PALD1: variants seen among roughly 807,000 people sequenced by gnomAD.
PALD1 encodes the protein paladin.
PALD1 carries 57 observed loss-of-function variants against 96.0 expected under a neutral mutation model. That is an observed-to-expected ratio of 0.59 (90% CI 0.48 to 0.74). The LOEUF (loss-of-function observed/expected upper bound fraction) is 0.74. Among genes scored for constraint, PALD1 ranks in the 30% least tolerant of loss-of-function variants. The pLI is 0.00. For missense variants in PALD1, 1,063 were observed against 1,143.7 expected, an observed-to-expected ratio of 0.93 and a Z score of 1.02; for synonymous variants, 464 against 473.6, an observed-to-expected ratio of 0.98 and a Z score of 0.26.
In PALD1 at chr10:70,564,469, C is replaced by G. The variant is rs760632224; in HGVS notation, c.2368C>G (p.Leu790Val). The G allele has an allele frequency of 6.2e-7, 1 of 1,614,150 alleles. No homozygotes were observed. The highest frequency in any genetic ancestry group is 8.5e-7 in the Non-Finnish European group (1 of 1,180,014). Residue 790 changes from leucine to valine, a missense_variant, in exon 19 of 20, where the codon CTG (leucine) becomes GTG (valine). Transcript: ENST00000263563. ...CLILFNAYLH[L>V]EKADSWQRPF... is the part of the protein sequence containing the mutation. Reference sequence around the variant, plus strand: ...GATTCTCTTCAACGCGTACCTCCACCTGGAGAAGGCCGACTCCTGGCAGAG... The same window carrying G: ...GATTCTCTTCAACGCGTACCTCCACGTGGAGAAGGCCGACTCCTGGCAGAG...
rs1050175724 is a variant in PALD1, at chr10:70,539,065, A to G, written c.1570-27A>G. On this transcript the variant is annotated intron_variant, in intron 13 of 19. Coordinates refer to ENST00000263563, the MANE Select transcript of PALD1 (RefSeq NM_014431.3). The surrounding 1 kb of genome is among the most constrained non-coding windows in gnomAD (Gnocchi z 4.5). The stretch of plus-strand genomic sequence containing the variant: ...TGGGTTTGGGGAGGGAGGGCTGAGC[A>G]CTCACTGCCGGCCCTCCTGTGCCCA... 17 of 1,613,518 alleles carry G rather than the reference A, an allele frequency of 1.1e-5. No individual in the cohort carries two copies. Among genetic ancestry groups the G allele is most frequent in the Non-Finnish European group, 1.3e-5 (15 of 1,179,730 alleles).
At chr10:70,502,191 G>C (rs1846313031) in intron 1 of PALD1, among the ~76,000 whole-genome samples, 3 of 152,106 alleles carry the variant, frequency 2.0e-5, no homozygotes, top group Admixed American at 6.6e-5. Flanking sequence ...CTCTCAACAG[G>C]ACTTCTTGCC....
At chr10:70,480,108 T>C (rs1845902912) in intron 1 of PALD1, among the ~76,000 whole-genome samples, 1 of 152,244 alleles carries the variant, frequency 6.6e-6, no homozygotes, top group African/African-American at 2.4e-5. Context: ...TCCAGCTCCA[T>C]GCCCGCCCTT....
At chr10:70,489,352 C>T (rs985888011) in intron 1 of PALD1, among the ~76,000 whole-genome samples, 2 of 151,974 alleles carry the variant, frequency 1.3e-5, no homozygotes, top group Non-Finnish European at 2.9e-5. Context: ...GTAGATGAAC[C>T]CCATCCCCTG....
chr10:70,542,215 G>A (rs1269852975), intron 17 of PALD1, among the ~76,000 whole-genome samples: 1 of 152,204 alleles, frequency 6.6e-6, no homozygotes, highest in Non-Finnish European at 1.5e-5. Flanking sequence ...TGCATATGCG[G>A]TGCCTTCTCC....
chr10:70,498,858 G>A (rs1267232804), intron 1 of PALD1, among the ~76,000 whole-genome samples: 1 of 151,698 alleles, frequency 6.6e-6, no homozygotes, highest in East Asian at 1.9e-4. Context: ...AACCTAGGAG[G>A]CAGAAGTTAC....
chr10:70,508,791 G>GTGTGTGTGTGTT (rs1357938059), intron 1 of PALD1, among the ~76,000 whole-genome samples: 5 of 89,262 alleles, frequency 5.6e-5, no homozygotes, highest in Non-Finnish European at 1.5e-4. Flanking sequence ...TGGCGTGTGT[G>GTGTGTGTGTGTT]TGTGTGTGTG....
chr10:70,524,117 T>C (rs193276213), intron 1 of PALD1, among the ~76,000 whole-genome samples: 4 of 152,108 alleles, frequency 2.6e-5, no homozygotes, highest in Non-Finnish European at 4.4e-5. Context: ...TCCCTACTGA[T>C]GTGGAGCAGC....
chr10:70,488,168 C>T (rs1846043015), intron 1 of PALD1, among the ~76,000 whole-genome samples: 1 of 151,878 alleles, frequency 6.6e-6, no homozygotes, highest in Non-Finnish European at 1.5e-5. Flanking sequence ...GTTGCCCAGG[C>T]TGCAGTGAAG....
At chr10:70,480,605 C>A (rs1589165955) in intron 1 of PALD1, among the ~76,000 whole-genome samples, 2 of 152,254 alleles carry the variant, frequency 1.3e-5, no homozygotes, top group Non-Finnish European at 2.9e-5. Flanking sequence ...CCCTCATTGT[C>A]CCTGGCAGGT....
At chr10:70,531,260 T>G in intron 4 of PALD1, 30 bp from the exon 5 acceptor site, 1 of 1,598,380 alleles carries the variant, frequency 6.3e-7, no homozygotes, top group Non-Finnish European at 8.6e-7. Context: ...ATCATGATGA[T>G]GGCTTCCTTC....
chr10:70,482,479 A>G (rs1845949911), intron 1 of PALD1, among the ~76,000 whole-genome samples: 2 of 152,164 alleles, frequency 1.3e-5, no homozygotes, highest in South Asian at 4.1e-4. Flanking sequence ...TGGGAGCAGC[A>G]GGCTTAGTCT....
the PALD1 span, among the ~76,000 whole-genome samples, chr10:70,468,450 G>T: frequency 6.6e-5 from 10 of 152,164 alleles, no homozygotes; most frequent in Admixed American, 6.5e-4. Context: ...CACCACATTG[G>T]CCAGGCTGGT....
In PALD1 at chr10:70,539,574, GC is replaced by G. The variant is rs780638392; in HGVS notation, c.1726-3del. The G allele has an allele frequency of 6.2e-7, 1 of 1,604,256 alleles. No homozygotes were observed. The highest frequency in any genetic ancestry group is 8.5e-7 in the Non-Finnish European group (1 of 1,174,216). ...GGCCTGTGTCCTCCCTCCTGCCCTT[GC>G]CCAGACCCTGGAGGCCCAGCTGAAG... On this transcript the variant is annotated splice_polypyrimidine_tract_variant and splice_region_variant and intron_variant, in intron 14 of 19. Transcript: ENST00000263563. This position sits in a 1 kb window ranked among gnomAD's most constrained non-coding sequence, Gnocchi z 4.5.
chr10:70,551,571 G>C (rs1847478789), intron 18 of PALD1, among the ~76,000 whole-genome samples: 1 of 152,196 alleles, frequency 6.6e-6, no homozygotes, highest in African/African-American at 2.4e-5. Context: ...GCATGTGTCT[G>C]CTTGGCTTCC....
In PALD1 at chr10:70,564,391, A is replaced by ATGCGGAGGCTGCAGC. The variant is rs763899874; in HGVS notation, c.2298_2312dup (p.Arg766_Arg770dup). On this transcript the variant is annotated inframe_insertion, in exon 19 of 20. Coordinates refer to ENST00000263563, the MANE Select transcript of PALD1 (RefSeq NM_014431.3). ...GAAGGCAGCGAAAGAGGCGCAAGAA[A>ATGCGGAGGCTGCAGC]TGCGGAGGCTGCAGCTGCGGAGCCT... is the stretch of plus-strand genomic sequence containing the variant. The ATGCGGAGGCTGCAGC allele has an allele frequency of 1.2e-6, 2 of 1,614,018 alleles. No individual in the cohort carries two copies. The highest frequency in any genetic ancestry group is 2.2e-5 in the East Asian group (1 of 44,892).
chr10:70,539,531 C>T lies in PALD1; in HGVS notation c.1726-49C>T, dbSNP rs372001951. On this transcript the variant is annotated intron_variant, in intron 14 of 19. Coordinates refer to ENST00000263563, the MANE Select transcript of PALD1 (RefSeq NM_014431.3). This position sits in a 1 kb window ranked among gnomAD's most constrained non-coding sequence, Gnocchi z 4.5. ...GCAGGCTGTGGCCTTTCAGGGCTAG[C>T]CTAGAGCCTGCCCCAGTGGCCTGTG... 6.6e-7 allele frequency: 1 copy of T among 1,512,936 alleles called. No individual in the cohort carries two copies. Among genetic ancestry groups the T allele is most frequent in the Non-Finnish European group, 8.9e-7 (1 of 1,118,606 alleles). The allele number at this position is 1,512,936 out of a possible 1,614,324, so 93.7% of individuals were successfully genotyped here.
chr10:70,529,139 C>CCT (rs1846933914), intron 2 of PALD1, 90 bp from the exon 3 acceptor site: 2 of 645,034 alleles, frequency 3.1e-6, no homozygotes, highest in East Asian at 5.6e-5. Flanking sequence ...CAGGGGTTTT[C>CCT]CTGCGGTGGG....
At chr10:70,471,433 C>T in the PALD1 span, among the ~76,000 whole-genome samples, 1 of 152,222 alleles carries the variant, frequency 6.6e-6, no homozygotes, top group African/African-American at 2.4e-5. Context: ...CTCCAGCACC[C>T]CACTGTCATG....
Sources: allele counts gnomAD v4.1 joint callset (sites outside exome capture counted in the v4.1 genomes callset), GRCh38; gene constraint gnomAD v4.1.1; non-coding constraint Gnocchi (gnomAD v3.1); transcripts MANE v1.5; gene names NCBI Gene and HGNC (gene_info 2026-07-23, HGNC 2026-07-21).